Variants in GRIP1 observed in about 807,000 individuals in gnomAD.
GRIP1 encodes the protein glutamate receptor-interacting protein 1.
GRIP1 carries 45 observed loss-of-function variants against 129.9 expected under a neutral mutation model. The observed-to-expected ratio is 0.35, with a 90% CI of 0.27 to 0.44. The LOEUF (loss-of-function observed/expected upper bound fraction) is 0.44. GRIP1 is among the 20% of genes least tolerant of loss of function. GRIP1 has a pLI of 1.00. For synonymous variants in GRIP1, 530 were observed against 520.8 expected (o/e 1.02, Z -0.24); for missense variants, 1,196 against 1,396.8 (o/e 0.86, Z 2.29).
intron 1 of GRIP1, among the ~76,000 whole-genome samples, chr12:66,916,658 T>TA (rs142101681): frequency 6.6e-6 from 1 of 151,992 alleles, no homozygotes; most frequent in African/African-American, 2.4e-5. Context: ...TTAGGGGGGT[T>TA]AAAAAAACGA....
intron 1 of GRIP1, among the ~76,000 whole-genome samples, chr12:66,674,568 A>G (rs2034235561): frequency 6.6e-6 from 1 of 152,208 alleles, no homozygotes; most frequent in South Asian, 2.1e-4. Context: ...GTAATCCATT[A>G]AAAGTTTATC....
chr12:67,025,020 T>G (rs1396392109), intron 1 of GRIP1, among the ~76,000 whole-genome samples: 1 of 152,164 alleles, frequency 6.6e-6, no homozygotes, highest in South Asian at 2.1e-4. Flanking sequence ...ACTTAACTAT[T>G]AGCATAAAAC....
intron 1 of GRIP1, among the ~76,000 whole-genome samples, chr12:66,910,677 G>C (rs2041014407): frequency 6.6e-6 from 1 of 151,820 alleles, no homozygotes; most frequent in Non-Finnish European, 1.5e-5. Context: ...ATGAAACCCA[G>C]GAAACTTGAA....
At chr12:66,829,936 A>C (rs1295653400) in intron 1 of GRIP1, among the ~76,000 whole-genome samples, 2 of 152,180 alleles carry the variant, frequency 1.3e-5, no homozygotes, top group Non-Finnish European at 2.9e-5. Context: ...AGAGAGGGCA[A>C]GTTACTTGTC....
At chr12:66,417,394 C>T (rs1482192734) in intron 15 of GRIP1, among the ~76,000 whole-genome samples, 1 of 152,160 alleles carries the variant, frequency 6.6e-6, no homozygotes, top group Non-Finnish European at 1.5e-5. Context: ...AACAAGGATG[C>T]TCACTGTCAC....
intron 3 of GRIP1, among the ~76,000 whole-genome samples, chr12:66,540,290 T>C (rs1284175678): frequency 1.3e-5 from 2 of 152,248 alleles, no homozygotes; most frequent in African/African-American, 4.8e-5. Flanking sequence ...ACCTTCAAAA[T>C]GGTAGTGCCT....
At chr12:66,371,158 ATTT>A (rs561040544) in intron 23 of GRIP1, among the ~76,000 whole-genome samples, 2 of 134,980 alleles carry the variant, frequency 1.5e-5, no homozygotes, top group Admixed American at 7.6e-5. Context: ...GCCATAAATA[ATTT>A]TTTTTTTTTT....
chr12:66,650,860 C>T (rs748063720), intron 1 of GRIP1, among the ~76,000 whole-genome samples: 1 of 152,198 alleles, frequency 6.6e-6, no homozygotes, highest in Non-Finnish European at 1.5e-5. Flanking sequence ...TCTGACACCA[C>T]ACTGACCAGC....
chr12:66,702,633 A>G (rs1281538863), intron 1 of GRIP1, among the ~76,000 whole-genome samples: 3 of 152,156 alleles, frequency 2.0e-5, no homozygotes, highest in Non-Finnish European at 2.9e-5. Context: ...GACAACCTCA[A>G]TTAAAAAGTC....
At chr12:66,836,622 C>T (rs1324943933) in intron 1 of GRIP1, among the ~76,000 whole-genome samples, 1 of 152,076 alleles carries the variant, frequency 6.6e-6, no homozygotes, top group Non-Finnish European at 1.5e-5. Flanking sequence ...TTAACTTGTA[C>T]ACAATAAAAT....
intron 1 of GRIP1, among the ~76,000 whole-genome samples, chr12:67,044,231 G>T (rs1259738464): frequency 6.6e-6 from 1 of 152,122 alleles, no homozygotes; most frequent in Non-Finnish European, 1.5e-5. Context: ...AAATATCTTT[G>T]CAAAAGAAAA....
intron 1 of GRIP1, among the ~76,000 whole-genome samples, chr12:66,720,539 T>C (rs2036027277): frequency 6.6e-6 from 1 of 152,222 alleles, no homozygotes; most frequent in Non-Finnish European, 1.5e-5. Context: ...TCTTTCAAAA[T>C]TGTAGTCAAT....
At chr12:66,902,413 T>C (rs1283747498) in intron 1 of GRIP1, among the ~76,000 whole-genome samples, 1 of 152,106 alleles carries the variant, frequency 6.6e-6, no homozygotes, top group Non-Finnish European at 1.5e-5. Context: ...GCCTGAGGGA[T>C]GGTTTCAGGC....
chr12:66,888,939 C>T (rs1299681780), intron 1 of GRIP1, among the ~76,000 whole-genome samples: 2 of 152,154 alleles, frequency 1.3e-5, no homozygotes, highest in African/African-American at 2.4e-5. Context: ...TTTAAATAAA[C>T]ATTTTGGCCT....
intron 1 of GRIP1, among the ~76,000 whole-genome samples, chr12:67,060,044 A>G (rs1235237908): frequency 2.0e-5 from 3 of 146,466 alleles, no homozygotes; most frequent in Non-Finnish European, 4.6e-5. Context: ...CTGTGACAGG[A>G]AAAAAAACAG....
At chr12:66,444,337 T>G (rs1222293745) in intron 13 of GRIP1, among the ~76,000 whole-genome samples, 1 of 150,678 alleles carries the variant, frequency 6.6e-6, no homozygotes, top group Non-Finnish European at 1.5e-5. Context: ...ATACAAAAAA[T>G]TAGCCGGGCG....
At chr12:66,756,615 A>C (rs2037297145) in intron 1 of GRIP1, among the ~76,000 whole-genome samples, 1 of 152,166 alleles carries the variant, frequency 6.6e-6, no homozygotes, top group Non-Finnish European at 1.5e-5. Context: ...TAGGAGTGAT[A>C]ATGAAGGTGG....
intron 7 of GRIP1, among the ~76,000 whole-genome samples, chr12:66,477,145 A>G (rs1347761825): frequency 6.6e-6 from 1 of 152,206 alleles, no homozygotes; most frequent in Non-Finnish European, 1.5e-5. Context: ...TCTCAGCCCA[A>G]AATCTCCTTA....
intron 1 of GRIP1, among the ~76,000 whole-genome samples, chr12:66,718,909 T>C (rs1321636974): frequency 6.6e-6 from 1 of 151,758 alleles, no homozygotes; most frequent in Non-Finnish European, 1.5e-5. Context: ...ATAGGAAGAG[T>C]TGTGGTACAT....
Sources: allele counts gnomAD v4.1 joint callset (sites outside exome capture counted in the v4.1 genomes callset), GRCh38; gene constraint gnomAD v4.1.1; transcripts MANE v1.5; gene names NCBI Gene and HGNC (gene_info 2026-07-23, HGNC 2026-07-21).